Variants in STAT3 observed in about 807,000 individuals in gnomAD.
The protein encoded by STAT3 is signal transducer and activator of transcription 3.
Under a neutral mutation model 114.3 loss-of-function variants are expected in STAT3, and 7 were observed. That is an observed-to-expected ratio of 0.06 (90% CI 0.03 to 0.11). STAT3 has a LOEUF of 0.11. Among genes scored for constraint, STAT3 ranks in the 10% least tolerant of loss-of-function variants. The pLI, the probability that STAT3 is intolerant of heterozygous loss-of-function variation, is 1.00. For missense variants in STAT3, 364 were observed against 960.9 expected, an observed-to-expected ratio of 0.38 and a Z score of 8.21; for synonymous variants, 331 against 354.5, an observed-to-expected ratio of 0.93 and a Z score of 0.74.
In STAT3 at chr17:42,337,354, C is replaced by A; in HGVS notation, c.797+81G>T. On this transcript the variant is annotated intron_variant, in intron 8 of 23. Coordinates refer to ENST00000264657, the MANE Select transcript of STAT3 (RefSeq NM_139276.3). This position sits in a 1 kb window ranked among gnomAD's most constrained non-coding sequence, Gnocchi z 4.0. ...AAGTCCCCACGTTGGAGATATAGTA[C>A]CAATTCTGTGGGCCTGCAGTTAAGA... 2 of 1,574,868 alleles carry A rather than the reference C, an allele frequency of 1.3e-6. No homozygotes were observed. Among genetic ancestry groups the A allele is most frequent in the Non-Finnish European group, 8.7e-7 (1 of 1,155,112 alleles).
At position 42,350,630 on chromosome 17, in the gene STAT3, C is replaced by T. The variant is rs1194485260; in HGVS notation, c.-23-2091G>A. On this transcript the variant is annotated intron_variant, in intron 1 of 23. Transcript: ENST00000264657. ...CAGAACCTGAGAGGGCTGCACTTCT[C>T]CCTCCCTCTTTGGGGGACAGACTCA... Among the ~76,000 whole-genome samples, 3 of 152,244 alleles carry T rather than the reference C, an allele frequency of 2.0e-5. No homozygotes were observed. The East Asian group carries it at 5.8e-4, about 29-fold the overall frequency.
chr17:42,377,479 G>T (rs532214812), intron 1 of STAT3, among the ~76,000 whole-genome samples: 5 of 152,250 alleles, frequency 3.3e-5, no homozygotes, highest in Non-Finnish European at 7.4e-5. Context: ...AAAATACAGA[G>T]TTTGGTGTAT....
intron 1 of STAT3, chr17:42,387,274 C>T (rs1034202747): frequency 6.6e-6 from 1 of 152,152 alleles, no homozygotes; most frequent in Non-Finnish European, 1.5e-5. Flanking sequence ...ACTTGGGCGA[C>T]GGTTTGAATC....
chr17:42,334,177 GA>G (rs1167640328), intron 8 of STAT3, 128 bp from the exon 9 acceptor site: 4 of 1,051,052 alleles, frequency 3.8e-6, no homozygotes, highest in Non-Finnish European at 5.7e-6. Context: ...TTATTGTGGT[GA>G]AATATATATA....
At chr17:42,379,685 G>A (rs1435303931) in intron 1 of STAT3, among the ~76,000 whole-genome samples, 2 of 152,128 alleles carry the variant, frequency 1.3e-5, no homozygotes, top group Non-Finnish European at 2.9e-5. Flanking sequence ...TTCTGGGTCG[G>A]GAGCAATTCC....
intron 4 of STAT3, among the ~76,000 whole-genome samples, chr17:42,344,757 G>GTCTCGAA (rs2082619301): frequency 6.7e-6 from 1 of 150,240 alleles, no homozygotes; most frequent in Non-Finnish European, 1.5e-5. Context: ...TCGCTACATT[G>GTCTCGAA]CCCCAGCTGG....
At chr17:42,364,959 C>T (rs948201750) in intron 1 of STAT3, among the ~76,000 whole-genome samples, 6 of 152,084 alleles carry the variant, frequency 3.9e-5, no homozygotes, top group Non-Finnish European at 5.9e-5. Context: ...CTGGGGCTGA[C>T]GATGCTTGGA....
intron 8 of STAT3, among the ~76,000 whole-genome samples, chr17:42,335,840 G>A (rs1170692258): frequency 6.6e-6 from 1 of 152,102 alleles, no homozygotes; most frequent in East Asian, 1.9e-4. Context: ...TCTAACCTGG[G>A]TGACAGAGTG....
intron 1 of STAT3, among the ~76,000 whole-genome samples, chr17:42,353,195 A>G (rs1174649355): frequency 6.6e-6 from 1 of 152,016 alleles, no homozygotes; most frequent in Non-Finnish European, 1.5e-5. Context: ...TAAAAATACA[A>G]AAATTAGCTG....
intron 1 of STAT3, among the ~76,000 whole-genome samples, chr17:42,371,379 A>G (rs2084121021): frequency 6.6e-6 from 1 of 151,958 alleles, no homozygotes; most frequent in Admixed American, 6.6e-5. Context: ...TCACAGTAAA[A>G]GCCAAAACAG....
At chr17:42,316,261 A>C (rs552731968) in intron 23 of STAT3, 1 of 347,598 alleles carries the variant, frequency 2.9e-6, no homozygotes, top group African/African-American at 2.2e-5. Flanking sequence ...TTTGAGATGG[A>C]GTCTCACTCT....
chr17:42,329,495 C>T (rs1482374306), intron 13 of STAT3, 38 bp from the exon 14 acceptor site: 1 of 1,614,198 alleles, frequency 6.2e-7, no homozygotes, highest in African/African-American at 1.3e-5. Context: ...CTGTGAGGCT[C>T]TCCCTAGCCC....
chr17:42,347,372 C>A (rs1359521929), intron 2 of STAT3, among the ~76,000 whole-genome samples: 1 of 152,170 alleles, frequency 6.6e-6, no homozygotes, highest in African/African-American at 2.4e-5. Context: ...CTGGGATGGC[C>A]TATCTCCAAC....
Position 42,333,872 on chromosome 17 carries a change from G to C in STAT3, c.956+19C>G. On this transcript the variant is annotated intron_variant, in intron 9 of 23. Transcript: ENST00000264657. This position sits in a 1 kb window ranked among gnomAD's most constrained non-coding sequence, Gnocchi z 5.2. The stretch of plus-strand genomic sequence containing the variant: ...AGGTATTTTTTAGATGAGGGAAAGG[G>C]ACAAGGATGCTAAATTACCTTTTCA... 1 of 1,614,172 alleles carries C rather than the reference G, an allele frequency of 6.2e-7. No individual in the cohort carries two copies. Among genetic ancestry groups the C allele is most frequent in the East Asian group, 2.2e-5 (1 of 44,886 alleles).
At chr17:42,381,318 G>A in intron 1 of STAT3, among the ~76,000 whole-genome samples, 1 of 152,202 alleles carries the variant, frequency 6.6e-6, no homozygotes, top group East Asian at 1.9e-4. Flanking sequence ...TGATGAGCAA[G>A]GTCATTTATT....
Position 42,333,890 on chromosome 17 carries a change from C to T in STAT3, c.956+1G>A. The T allele has an allele frequency of 6.2e-7, 1 of 1,614,170 alleles. No homozygotes were observed. Among genetic ancestry groups the T allele is most frequent in the Non-Finnish European group, 8.5e-7 (1 of 1,180,036 alleles). ...GGAAAGGGACAAGGATGCTAAATTA[C>T]CTTTTCATTAAGTTTCTAAACAGCT... On this transcript the variant is annotated splice_donor_variant, in intron 9 of 23. Coordinates refer to ENST00000264657, the MANE Select transcript of STAT3 (RefSeq NM_139276.3). LOFTEE classifies it high-confidence loss of function. This position sits in a 1 kb window ranked among gnomAD's most constrained non-coding sequence, Gnocchi z 5.2.
rs751340416 is a variant in STAT3, at chr17:42,324,115, C to T, written c.1601-490G>A. 8.6e-5 allele frequency among the ~76,000 whole-genome samples: 13 copies of T among 152,004 alleles called. No homozygotes were observed. The highest frequency in any genetic ancestry group is 4.2e-4 in the South Asian group (2 of 4,814). On this transcript the variant is annotated intron_variant, in intron 17 of 23. Coordinates refer to ENST00000264657, the MANE Select transcript of STAT3 (RefSeq NM_139276.3). This position sits in a 1 kb window ranked among gnomAD's most constrained non-coding sequence, Gnocchi z 4.5. ...GTGGGCGGATCACGAGGTGAAGAGA[C>T]GGAGACTATCCTGGCCAACATGGTA...
intron 1 of STAT3, among the ~76,000 whole-genome samples, chr17:42,362,852 C>A (rs1488745644): frequency 6.6e-6 from 1 of 152,196 alleles, no homozygotes; most frequent in Admixed American, 6.5e-5. Flanking sequence ...GTTCCTGGCA[C>A]TCACTCTGCT....
intron 11 of STAT3, among the ~76,000 whole-genome samples, chr17:42,331,245 G>A (rs2081997928): frequency 6.6e-6 from 1 of 152,202 alleles, no homozygotes; most frequent in Non-Finnish European, 1.5e-5. Flanking sequence ...ACAAGGAAAA[G>A]AGGGACTGGT....
Sources: allele counts gnomAD v4.1 joint callset (sites outside exome capture counted in the v4.1 genomes callset), GRCh38; gene constraint gnomAD v4.1.1; non-coding constraint Gnocchi (gnomAD v3.1); transcripts MANE v1.5; gene names NCBI Gene and HGNC (gene_info 2026-07-23, HGNC 2026-07-21).